Variants in TYW1 observed in about 807,000 individuals in gnomAD.
TYW1 encodes tRNA-yW synthesizing protein 1 homolog.
A neutral mutation model predicts 96.2 loss-of-function variants in TYW1; 46 were observed. That is an observed-to-expected ratio of 0.48 (90% CI 0.38 to 0.61). The LOEUF is 0.61. Among genes scored for constraint, TYW1 ranks in the 20% least tolerant of loss-of-function variants. TYW1 has a pLI of 0.00. For missense variants in TYW1, 684 were observed against 909.6 expected (o/e 0.75, Z 3.19); for synonymous variants, 274 against 323.0 (o/e 0.85, Z 1.63).
intron 14 of TYW1, among the ~76,000 whole-genome samples, chr7:67,187,052 ATTTTTTTTT>A (rs750086247): frequency 1.3e-4 from 13 of 100,924 alleles, no homozygotes; most frequent in African/African-American, 3.9e-4. Flanking sequence ...CCACAATTAA[ATTTTTTTTT>A]TTTTTTTTTT....
At chr7:67,093,723 G>A (rs1017627768) in intron 11 of TYW1, among the ~76,000 whole-genome samples, 10 of 151,974 alleles carry the variant, frequency 6.6e-5, no homozygotes, top group African/African-American at 1.9e-4. Flanking sequence ...ATACTGACAC[G>A]AAATACATTC....
intron 6 of TYW1, among the ~76,000 whole-genome samples, chr7:67,018,914 C>T (rs1194602208): frequency 5.5e-5 from 8 of 145,316 alleles, no homozygotes; most frequent in African/African-American, 1.5e-4. Context: ...TGAGATCATG[C>T]GACTGCACTC....
intron 15 of TYW1, among the ~76,000 whole-genome samples, chr7:67,220,796 GGC>G (rs1289483355): frequency 1.3e-5 from 2 of 150,390 alleles, no homozygotes; most frequent in Non-Finnish European, 3.0e-5. Context: ...GGAGTGCAAT[GGC>G]GCGATCTCGG....
At chr7:67,046,384 A>G (rs111778606) in intron 7 of TYW1, among the ~76,000 whole-genome samples, 16,511 of 152,060 alleles carry the variant, frequency 0.11, 950 homozygotes, top group Middle Eastern at 0.15. Context: ...GTTCGTGGCA[A>G]CTGAAATACA....
At chr7:67,235,146 T>C (rs1801843839) in intron 15 of TYW1, among the ~76,000 whole-genome samples, 1 of 152,080 alleles carries the variant, frequency 6.6e-6, no homozygotes, top group African/African-American at 2.4e-5. Flanking sequence ...GAAGAGAGTA[T>C]GGTCATCTCT....
At chr7:67,136,650 CGTGT>C (rs59522817) in intron 13 of TYW1, among the ~76,000 whole-genome samples, 22,317 of 143,652 alleles carry the variant, frequency 0.16, 1,672 homozygotes, top group East Asian at 0.29. Context: ...TTATACAGTG[CGTGT>C]GTGTGTGTGT....
chr7:67,040,754 G>A (rs1398467970), intron 7 of TYW1, among the ~76,000 whole-genome samples: 1 of 151,974 alleles, frequency 6.6e-6, no homozygotes, highest in Non-Finnish European at 1.5e-5. Context: ...TGAGGTGGGA[G>A]GATTGCTTGA....
chr7:67,021,324 C>A (rs1312246567), intron 6 of TYW1, among the ~76,000 whole-genome samples: 1 of 152,290 alleles, frequency 6.6e-6, no homozygotes, highest in Non-Finnish European at 1.5e-5. Flanking sequence ...TCTTTCTCTG[C>A]TACATTTTCT....
chr7:67,162,313 C>CAAAAA (rs60661089), intron 13 of TYW1, among the ~76,000 whole-genome samples: 2 of 102,172 alleles, frequency 2.0e-5, no homozygotes, highest in African/African-American at 3.4e-5. Flanking sequence ...GACTCTGTCT[C>CAAAAA]AAAAAAAAAA....
chr7:67,027,029 T>C (rs1007514318), intron 7 of TYW1, among the ~76,000 whole-genome samples: 1 of 151,800 alleles, frequency 6.6e-6, no homozygotes, highest in Non-Finnish European at 1.5e-5. Flanking sequence ...TGAAACCCCA[T>C]CTCTACAAGA....
chr7:67,094,766 T>G (rs928609132), intron 11 of TYW1, among the ~76,000 whole-genome samples: 18 of 152,014 alleles, frequency 1.2e-4, no homozygotes, highest in Admixed American at 4.6e-4. Context: ...AGAATGTGTG[T>G]TCTGAGCTCT....
chr7:67,071,841 C>G (rs1298345256), intron 10 of TYW1, among the ~76,000 whole-genome samples: 1 of 152,066 alleles, frequency 6.6e-6, no homozygotes, highest in Non-Finnish European at 1.5e-5. Flanking sequence ...AGACTGGTCT[C>G]AAACTCCTGG....
intron 15 of TYW1, among the ~76,000 whole-genome samples, chr7:67,220,489 C>A (rs1048345039): frequency 2.8e-4 from 43 of 152,200 alleles, no homozygotes; most frequent in South Asian, 4.2e-4. Flanking sequence ...AGGCCTAAGC[C>A]ACCACGCCTG....
rs551504200 is a variant in TYW1, at chr7:67,102,792, C to T, written c.1562+4074C>T. The stretch of plus-strand genomic sequence containing the variant: ...TCAGCCTCCCGAGTAGCTGGGACTA[C>T]AGGCACCCACCACCACACCCAGCTA... On this transcript the variant is annotated intron_variant, in intron 12 of 15. Coordinates refer to ENST00000359626, the MANE Select transcript of TYW1 (RefSeq NM_018264.4). Among the ~76,000 whole-genome samples, 288 of 152,236 alleles carry T rather than the reference C, an allele frequency of 1.9e-3. 1 individual carries two copies. The highest frequency in any genetic ancestry group is 6.6e-3 in the African/African-American group (273 of 41,538).
At chr7:67,130,463 G>A (rs1584598539) in intron 13 of TYW1, among the ~76,000 whole-genome samples, 1 of 151,810 alleles carries the variant, frequency 6.6e-6, no homozygotes, top group Admixed American at 6.6e-5. Context: ...CACGAGTTCA[G>A]GAGGTCGAGA....
At chr7:67,034,999 C>G (rs1584487089) in intron 7 of TYW1, among the ~76,000 whole-genome samples, 2 of 152,156 alleles carry the variant, frequency 1.3e-5, no homozygotes, top group African/African-American at 4.8e-5. Flanking sequence ...TCTTGTCAAT[C>G]TGAAAAATAG....
intron 11 of TYW1, among the ~76,000 whole-genome samples, chr7:67,096,437 G>A (rs1374848548): frequency 6.6e-6 from 1 of 152,096 alleles, no homozygotes; most frequent in Non-Finnish European, 1.5e-5. Context: ...AGGAGTAGGA[G>A]AAGACACATG....
At chr7:67,158,076 C>T (rs1305827898) in intron 13 of TYW1, among the ~76,000 whole-genome samples, 1 of 141,420 alleles carries the variant, frequency 7.1e-6, no homozygotes, top group Non-Finnish European at 1.5e-5. Flanking sequence ...TCCTTGTTTG[C>T]TGAGGATTTT....
intron 13 of TYW1, among the ~76,000 whole-genome samples, chr7:67,148,598 T>C (rs894737232): frequency 1.3e-5 from 2 of 151,854 alleles, no homozygotes; most frequent in Admixed American, 6.6e-5. Flanking sequence ...GCTAATTTTT[T>C]ATATATATAT....
Sources: gnomAD v4.1 joint callset for allele counts (sites outside exome capture counted in the v4.1 genomes callset) on GRCh38, gnomAD v4.1.1 for gene constraint, MANE v1.5 for transcripts, NCBI Gene and HGNC (gene_info 2026-07-23, HGNC 2026-07-21) for gene names.